Variants in LRBA observed in about 807,000 individuals in gnomAD.
LRBA encodes LPS responsive beige-like anchor protein, also known as lipopolysaccharide-responsive and beige-like anchor protein.
In LRBA, 176 loss-of-function variants were observed where a neutral mutation model predicts 330.0. That is an observed-to-expected ratio of 0.53 (90% CI 0.47 to 0.60). The LOEUF (loss-of-function observed/expected upper bound fraction) is 0.60. Among genes scored for constraint, LRBA ranks in the 20% least tolerant of loss-of-function variants. LRBA has a pLI of 0.00. For synonymous variants in LRBA, 1,230 were observed against 1,193.0 expected (o/e 1.03, Z -0.64); for missense variants, 3,259 against 3,444.8 (o/e 0.95, Z 1.35).
Position 150,440,953 on chromosome 4 carries a change from T to C in LRBA, c.6781-4089A>G, listed in dbSNP as rs1308842831. Among the ~76,000 whole-genome samples, 13 of 152,180 alleles carry C rather than the reference T, an allele frequency of 8.5e-5. No homozygotes were observed. The South Asian group carries it at 2.3e-3, about 27-fold the overall frequency. ...TTCTGCTTATGAGATAATAATGATA[T>C]CTTTCAAAACAGGATATGCAAAATA... is the stretch of plus-strand genomic sequence containing the variant. On this transcript the variant is annotated intron_variant, in intron 44 of 56. Coordinates refer to ENST00000651943, the MANE Select transcript of LRBA (RefSeq NM_001364905.1).
chr4:150,821,829 G>A (rs1183757919), intron 30 of LRBA, among the ~76,000 whole-genome samples: 3 of 152,094 alleles, frequency 2.0e-5, no homozygotes, highest in Non-Finnish European at 4.4e-5. Context: ...TTTGGCATGG[G>A]AATGAACACA....
intron 20 of LRBA, among the ~76,000 whole-genome samples, chr4:150,868,668 T>G (rs1016805287): frequency 2.0e-5 from 3 of 152,174 alleles, no homozygotes; most frequent in African/African-American, 7.2e-5. Flanking sequence ...CCGGGCGAGG[T>G]GGCTCACGCC....
Position 150,719,658 on chromosome 4 carries a change from A to C in LRBA, c.5754+15600T>G, listed in dbSNP as rs533382925. ...TTCTTAATCATGTCCCCATGCCCCCAAAGCAATATTGGTAAGTTGACAAAA... is the reference window on the plus strand; with the variant it reads ...TTCTTAATCATGTCCCCATGCCCCCCAAGCAATATTGGTAAGTTGACAAAA... On this transcript the variant is annotated intron_variant, in intron 36 of 56. Coordinates refer to ENST00000651943, the MANE Select transcript of LRBA (RefSeq NM_001364905.1). Among the ~76,000 whole-genome samples, 51 of 152,206 alleles carry C rather than the reference A, an allele frequency of 3.4e-4. No individual in the cohort carries two copies. In the South Asian group the frequency reaches 9.9e-3, roughly 30 times the overall value.
chr4:151,009,340 G>A (rs1292396657), intron 2 of LRBA, among the ~76,000 whole-genome samples: 1 of 151,922 alleles, frequency 6.6e-6, no homozygotes, highest in Non-Finnish European at 1.5e-5. Flanking sequence ...CTTGAGGCCA[G>A]GAGTTTGAGA....
chr4:150,615,434 T>C lies in LRBA; in HGVS notation c.5922-16303A>G, dbSNP rs149958153. Among the ~76,000 whole-genome samples, 4 of 151,994 alleles carry C rather than the reference T, an allele frequency of 2.6e-5. No individual in the cohort carries two copies. In the South Asian group the frequency reaches 8.3e-4, roughly 32 times the overall value. On this transcript the variant is annotated intron_variant, in intron 37 of 56. Coordinates refer to ENST00000651943, the MANE Select transcript of LRBA (RefSeq NM_001364905.1). Reference sequence around the variant, plus strand: ...GCAATAATCCAGGAGAGAGAGACGATGTCTGGGAACAAATAGCAGCAGTGG... The same window carrying C: ...GCAATAATCCAGGAGAGAGAGACGACGTCTGGGAACAAATAGCAGCAGTGG...
intron 28 of LRBA, among the ~76,000 whole-genome samples, chr4:150,835,651 T>C (rs1184454635): frequency 6.6e-6 from 1 of 152,200 alleles, no homozygotes; most frequent in East Asian, 1.9e-4. Flanking sequence ...ACATTGATTT[T>C]GTATCCTGAG....
chr4:150,913,474 A>G, intron 9 of LRBA, among the ~76,000 whole-genome samples: 1 of 152,076 alleles, frequency 6.6e-6, no homozygotes. Flanking sequence ...CCTCAAAAAA[A>G]AGAAGAAGAA....
chr4:150,738,163 G>A (rs1191886250), intron 35 of LRBA, among the ~76,000 whole-genome samples: 1 of 151,644 alleles, frequency 6.6e-6, no homozygotes, highest in East Asian at 1.9e-4. Flanking sequence ...GCTAATTTTT[G>A]TATTTTTAGT....
intron 2 of LRBA, among the ~76,000 whole-genome samples, chr4:150,936,906 G>A (rs1453614135): frequency 6.6e-6 from 1 of 151,928 alleles, no homozygotes; most frequent in East Asian, 1.9e-4. Flanking sequence ...TCCTCCATGC[G>A]ATCTAAATTG....
intron 40 of LRBA, among the ~76,000 whole-genome samples, chr4:150,558,080 G>A (rs1290059042): frequency 6.6e-6 from 1 of 152,056 alleles, no homozygotes; most frequent in Non-Finnish European, 1.5e-5. Context: ...GTTATTTTTA[G>A]TAGAGATGGG....
At chr4:150,795,469 T>C (rs1320581185) in intron 34 of LRBA, among the ~76,000 whole-genome samples, 2 of 152,104 alleles carry the variant, frequency 1.3e-5, no homozygotes, top group East Asian at 3.9e-4. Context: ...AGGATTTAAA[T>C]TGATCTTTGG....
intron 28 of LRBA, among the ~76,000 whole-genome samples, chr4:150,836,905 C>A (rs775979217): frequency 1.3e-5 from 2 of 152,176 alleles, no homozygotes; most frequent in Non-Finnish European, 1.5e-5. Context: ...AATTTTAGAT[C>A]TTTCCTGCTT....
chr4:150,880,513 C>T, intron 17 of LRBA, among the ~76,000 whole-genome samples: 1 of 121,834 alleles, frequency 8.2e-6, no homozygotes, highest in South Asian at 2.9e-4. Context: ...GAGCAATACC[C>T]TGTCTCCAAA....
At chr4:150,738,402 T>A (rs1228219792) in intron 35 of LRBA, among the ~76,000 whole-genome samples, 2 of 152,112 alleles carry the variant, frequency 1.3e-5, no homozygotes, top group Non-Finnish European at 2.9e-5. Context: ...GAGGAAAACT[T>A]TTCCTCATCA....
chr4:150,716,175 G>A (rs995448987), intron 36 of LRBA, among the ~76,000 whole-genome samples: 5 of 152,134 alleles, frequency 3.3e-5, no homozygotes, highest in Non-Finnish European at 7.3e-5. Context: ...TGGGCTGGGC[G>A]CAGTGGCTCA....
rs1732501251 is a variant in LRBA at position 150,915,673 on chromosome 4, G to A, written c.949C>T (p.Arg317Ter). The A allele has an allele frequency of 2.5e-6, 4 of 1,612,362 alleles. No individual in the cohort carries two copies. Among genetic ancestry groups the A allele is most frequent in the Non-Finnish European group, 3.4e-6 (4 of 1,178,830 alleles). ...IYNRWKNSEL[R>*]CYVNGELASY... The stretch of plus-strand genomic sequence containing the variant: ...GCCAGCTCACCATTCACATAACATC[G>A]AAGTTCACTATTCTTCCATCGGTTA... Residue 317 changes from arginine to a stop codon, truncating the protein, a stop_gained, in exon 8 of 57, where the codon CGA becomes TGA. Coordinates refer to ENST00000651943, the MANE Select transcript of LRBA (RefSeq NM_001364905.1). LOFTEE classifies it high-confidence loss of function.
At chr4:150,776,836 T>G (rs1292245817) in intron 34 of LRBA, among the ~76,000 whole-genome samples, 1 of 152,046 alleles carries the variant, frequency 6.6e-6, no homozygotes, top group African/African-American at 2.4e-5. Flanking sequence ...AAATAAATCA[T>G]ATGCCCTAAA....
In LRBA at chr4:150,813,864, G is replaced by C. The variant is rs566539237; in HGVS notation, c.5305+3260C>G. On this transcript the variant is annotated intron_variant, in intron 31 of 56. Transcript: ENST00000651943. ...AGTGTTCTGAGCACATTTAAGATAG[G>C]GTAGATTAAGCTATGTTGTTTGGTA... Among the ~76,000 whole-genome samples, 277 of 152,036 alleles carry C rather than the reference G, an allele frequency of 1.8e-3. 14 individuals carry two copies. The South Asian group carries it at 0.056, about 31-fold the overall frequency.
At chr4:150,618,848 GTATA>G (rs34589903) in intron 37 of LRBA, among the ~76,000 whole-genome samples, 104,780 of 146,132 alleles carry the variant, frequency 0.72, 38,344 homozygotes, top group Admixed American at 0.82. Context: ...ATGTGTGTAT[GTATA>G]TATATATATA....
Sources: allele counts gnomAD v4.1 joint callset (sites outside exome capture counted in the v4.1 genomes callset), GRCh38; gene constraint gnomAD v4.1.1; transcripts MANE v1.5; gene names NCBI Gene and HGNC (gene_info 2026-07-23, HGNC 2026-07-21).